The following MGST1 variants were observed in gnomAD, a reference collection of about 807,000 sequenced individuals.
The protein encoded by MGST1 is microsomal glutathione S-transferase 1, also known as glutathione S-transferase 12.
Under a neutral mutation model 8.9 loss-of-function variants are expected in MGST1, and 5 were observed. That is an observed-to-expected ratio of 0.56 (90% CI 0.29 to 1.19). The LOEUF (loss-of-function observed/expected upper bound fraction) is 1.19, where lower values mean the gene tolerates loss of function less well. Among genes scored for constraint, MGST1 ranks in the 50% most tolerant of loss-of-function variants. The pLI is 0.08. For synonymous variants in MGST1, 54 were observed against 67.8 expected, an observed-to-expected ratio of 0.80 and a Z score of 1.00; for missense variants, 182 against 187.4, an observed-to-expected ratio of 0.97 and a Z score of 0.17.
chr12:16,488,523 C>A (rs1941415166), intron 4 of MGST1, among the ~76,000 whole-genome samples: 2 of 152,176 alleles, frequency 1.3e-5, no homozygotes, highest in Admixed American at 6.5e-5. Flanking sequence ...AATGTCAGAT[C>A]AAAATCCCCT....
intron 1 of MGST1, among the ~76,000 whole-genome samples, chr12:16,385,719 G>T (rs1940499253): frequency 1.3e-5 from 2 of 150,290 alleles, no homozygotes. Context: ...CCTCAATCTG[G>T]GTGGCTAACT....
chr12:16,558,834 T>G (rs891452669), intron 4 of MGST1, among the ~76,000 whole-genome samples: 1 of 152,196 alleles, frequency 6.6e-6, no homozygotes, highest in Non-Finnish European at 1.5e-5. Flanking sequence ...TTTGAGAACC[T>G]GTTGTGTTCC....
chr12:16,519,252 C>CAGGTATA (rs1179971888), intron 4 of MGST1, among the ~76,000 whole-genome samples: 1 of 152,198 alleles, frequency 6.6e-6, no homozygotes, highest in African/African-American at 2.4e-5. Context: ...ATATCGTAGA[C>CAGGTATA]AGTTATTGAC....
exon 2 of MGST1, chr12:16,438,646 A>G (rs1318626860): frequency 6.6e-6 from 1 of 151,864 alleles, no homozygotes; most frequent in Admixed American, 6.6e-5. Flanking sequence ...GAAAATGTTT[A>G]AATCTTGTCT....
At chr12:16,365,328 G>GT (rs1162648587), downstream of MGST1, among the ~76,000 whole-genome samples, 4 of 151,968 alleles carry the variant, frequency 2.6e-5, no homozygotes, top group Non-Finnish European at 5.9e-5. Flanking sequence ...TAAAATATCA[G>GT]TTTTTTCTTG....
At chr12:16,417,124 T>C (rs183219981) in intron 1 of MGST1, among the ~76,000 whole-genome samples, 1 of 152,318 alleles carries the variant, frequency 6.6e-6, no homozygotes, top group Admixed American at 6.5e-5. Context: ...AAAAAATATC[T>C]GAGAGTGGGT....
chr12:16,351,637 C>T lies in MGST1; in HGVS notation c.-22-2594C>T, dbSNP rs183677339. ...CCAGCCTGACAAATATGGTGAAACC[C>T]CGTCTTTACTAAAAATACAAAAATT... On this transcript the variant is annotated intron_variant, in intron 1 of 3. Transcript: ENST00000396210. Among the ~76,000 whole-genome samples the T allele has an allele frequency of 2.9e-3, 434 of 152,082 alleles. 1 individual carries two copies. The highest frequency in any genetic ancestry group is 9.5e-3 in the African/African-American group (395 of 41,464).
intron 4 of MGST1, among the ~76,000 whole-genome samples, chr12:16,581,000 T>C (rs1295736585): frequency 6.6e-6 from 1 of 152,242 alleles, no homozygotes; most frequent in Non-Finnish European, 1.5e-5. Flanking sequence ...ATTTTATAAC[T>C]AATGTTTTGA....
At chr12:16,461,553 ACT>A (rs1565459280) in intron 4 of MGST1, among the ~76,000 whole-genome samples, 2 of 151,966 alleles carry the variant, frequency 1.3e-5, no homozygotes, top group Non-Finnish European at 1.5e-5. Context: ...CAATATAAAA[ACT>A]CTCTAGGAAA....
At chr12:16,473,833 A>G (rs1384947969) in intron 4 of MGST1, among the ~76,000 whole-genome samples, 1 of 152,168 alleles carries the variant, frequency 6.6e-6, no homozygotes, top group Non-Finnish European at 1.5e-5. Context: ...GTGAGCCATG[A>G]CTGTACCACT....
chr12:16,513,992 A>T lies in MGST1; in HGVS notation n.483-75536A>T, dbSNP rs1941594411. The T allele has an allele frequency of 4.5e-6, 2 of 448,762 alleles. No individual in the cohort carries two copies. The highest frequency in any genetic ancestry group is 5.7e-5 in the Admixed American group (2 of 34,834). The allele number at this position is 448,762 out of a possible 1,614,324, so 27.8% of individuals were successfully genotyped here. ...GAGGACATTTCAAAAACACCAGAGCAAAGTCTTCTTCTTCTGCATGCTTGC... is the reference window on the plus strand; with the variant it reads ...GAGGACATTTCAAAAACACCAGAGCTAAGTCTTCTTCTTCTGCATGCTTGC... On this transcript the variant is annotated intron_variant and non_coding_transcript_variant, in intron 4 of 4. Transcript: ENST00000538857. This position sits in a 1 kb window ranked among gnomAD's most constrained non-coding sequence, Gnocchi z 4.2.
intron 1 of MGST1, among the ~76,000 whole-genome samples, chr12:16,407,712 C>T (rs927082762): frequency 4.4e-4 from 67 of 152,014 alleles, no homozygotes; most frequent in Non-Finnish European, 8.1e-4. Flanking sequence ...GGTACACATA[C>T]ACCATGGAAT....
intron 1 of MGST1, among the ~76,000 whole-genome samples, chr12:16,427,913 T>A (rs1196765071): frequency 1.3e-5 from 2 of 152,138 alleles, no homozygotes; most frequent in Non-Finnish European, 2.9e-5. Flanking sequence ...TTATTACTTC[T>A]TTTTGGTTTT....
intron 1 of MGST1, among the ~76,000 whole-genome samples, chr12:16,348,601 G>A (rs772800817): frequency 6.6e-6 from 1 of 151,926 alleles, no homozygotes; most frequent in African/African-American, 2.4e-5. Flanking sequence ...GTGGGTGCCC[G>A]CAAGCATTGC....
At chr12:16,396,662 TAAAG>T (rs1171952944) in intron 1 of MGST1, among the ~76,000 whole-genome samples, 1 of 151,904 alleles carries the variant, frequency 6.6e-6, no homozygotes, top group Non-Finnish European at 1.5e-5. Context: ...TGAGATCAAA[TAAAG>T]AACTCAACTC....
At position 16,589,355 on chromosome 12, in the gene MGST1, A is replaced by G. The variant is rs1241734152; in HGVS notation, n.483-173A>G. Among the ~76,000 whole-genome samples the G allele has an allele frequency of 6.6e-6, 1 of 152,140 alleles. No homozygotes were observed. The highest frequency in any genetic ancestry group is 1.5e-5 in the Non-Finnish European group (1 of 68,004). ...AGAAACACATGATGAGACATTTAAA[A>G]TATACTGTACATATTACTATGAGTG... is the stretch of plus-strand genomic sequence containing the variant. On this transcript the variant is annotated intron_variant and non_coding_transcript_variant, in intron 4 of 4. Coordinates refer to the MGST1 transcript ENST00000538857. The surrounding 1 kb of genome is among the most constrained non-coding windows in gnomAD (Gnocchi z 4.2).
Position 16,357,657 on chromosome 12 carries a change from A to G in MGST1, c.179A>G (p.Lys60Arg). Reference sequence around the variant, plus strand: ...GCATTTGGCAAAGGAGAAAATGCCAAGAAGTATCTTCGAACAGATGACAGA... The same window carrying G: ...GCATTTGGCAAAGGAGAAAATGCCAGGAAGTATCTTCGAACAGATGACAGA... The part of the protein sequence containing the change: ...CVAFGKGENA[K>R]KYLRTDDRVE... The change falls in exon 3 of 4, where the codon AAG becomes AGG. Residue 60 changes from lysine to arginine, a missense_variant. Coordinates refer to ENST00000396210, the MANE Select transcript of MGST1 (RefSeq NM_020300.5). The G allele has an allele frequency of 6.2e-7, 1 of 1,614,058 alleles. No homozygotes were observed. The highest frequency in any genetic ancestry group is 1.6e-4 in the Middle Eastern group (1 of 6,062).
chr12:16,589,907 C>G (rs1402118885), downstream of MGST1, among the ~76,000 whole-genome samples: 1 of 152,080 alleles, frequency 6.6e-6, no homozygotes, highest in African/African-American at 2.4e-5. The surrounding 1 kb of genome is among the most constrained non-coding windows in gnomAD (Gnocchi z 4.2). Flanking sequence ...TGGCTACTGT[C>G]TCCGTCTAGC....
chr12:16,355,595 G>T (rs935766588), intron 2 of MGST1, among the ~76,000 whole-genome samples: 1 of 152,174 alleles, frequency 6.6e-6, no homozygotes, highest in Admixed American at 6.5e-5. Context: ...CAACAAAGTG[G>T]CTGTCTGCTT....
Sources: gnomAD v4.1 joint callset for allele counts (sites outside exome capture counted in the v4.1 genomes callset) on GRCh38, gnomAD v4.1.1 for gene constraint, Gnocchi (gnomAD v3.1) non-coding constraint, MANE v1.5 for transcripts, NCBI Gene and HGNC (gene_info 2026-07-23, HGNC 2026-07-21) for gene names.